COG6: variants seen among roughly 807,000 people sequenced by gnomAD.
The protein encoded by COG6 is conserved oligomeric Golgi complex subunit 6.
Under a neutral mutation model 88.8 loss-of-function variants are expected in COG6, and 74 were observed. The observed-to-expected ratio is 0.83, with a 90% confidence interval of 0.69 to 1.01. COG6 has a LOEUF of 1.01. Ranked by LOEUF, COG6 falls within the 50% of genes least tolerant of loss-of-function variation. The probability of loss-of-function intolerance (pLI) is 0.00; values close to 1 mark genes in which losing one functional copy is unlikely to be tolerated. For synonymous variants in COG6, 286 were observed against 278.7 expected (o/e 1.03, Z -0.26); for missense variants, 800 against 797.9 (o/e 1.00, Z -0.03).
chr13:39,750,804 G>A, intron 18 of COG6, 142 bp from the exon 19 acceptor site: 7 of 669,816 alleles, frequency 1.0e-5, no homozygotes, highest in South Asian at 8.6e-5. Context: ...TAACTGTGTA[G>A]CCATATAGTG....
intron 1 of COG6, chr13:39,656,304 G>T (rs956458093): frequency 7.1e-6 from 3 of 422,870 alleles, no homozygotes; most frequent in Admixed American, 2.7e-5. Flanking sequence ...GGGAGACCAA[G>T]AGAGCAGTGG....
intron 6 of COG6, 87 bp downstream of exon 6, chr13:39,679,707 G>A (rs1876195448): frequency 1.2e-6 from 1 of 846,650 alleles, no homozygotes; most frequent in Non-Finnish European, 2.0e-6. Flanking sequence ...GAACTATATA[G>A]CATTTTGTGA....
intron 3 of COG6, among the ~76,000 whole-genome samples, chr13:39,662,312 A>G (rs574460543): frequency 2.0e-4 from 31 of 151,974 alleles, no homozygotes; most frequent in African/African-American, 7.0e-4. Context: ...TTTTTAGTAG[A>G]CACAGGATTT....
chr13:39,751,803 G>A lies in COG6; in HGVS notation c.*710G>A, dbSNP rs893322456. 1.2e-5 allele frequency: 16 copies of A among 1,287,050 alleles called. No homozygotes were observed. The highest frequency in any genetic ancestry group is 2.5e-5 in the South Asian group (2 of 80,944). 79.7% of individuals were successfully genotyped at this position (1,287,050 alleles called of 1,614,324 possible). ...TGGATTCCACTCTGTGGGAGCCTTC[G>A]ATGGAACTCAAGGTGGAGCTCAGCC... On this transcript the variant is annotated 3_prime_UTR_variant, in exon 19 of 19. Transcript: ENST00000455146.
At chr13:39,686,851 T>G (rs1314179997) in intron 8 of COG6, among the ~76,000 whole-genome samples, 1 of 152,044 alleles carries the variant, frequency 6.6e-6, no homozygotes, top group East Asian at 1.9e-4. Context: ...TACCTCAGCC[T>G]TCCGAGTAGC....
At chr13:39,713,041 T>C (rs1184710333) in intron 13 of COG6, among the ~76,000 whole-genome samples, 1 of 152,240 alleles carries the variant, frequency 6.6e-6, no homozygotes, top group African/African-American at 2.4e-5. Flanking sequence ...AAGATTTCTA[T>C]GAATAGCTCA....
At chr13:39,698,234 A>G (rs1450716944) in intron 12 of COG6, among the ~76,000 whole-genome samples, 3 of 151,872 alleles carry the variant, frequency 2.0e-5, no homozygotes, top group Non-Finnish European at 4.4e-5. Flanking sequence ...TTTTCATTAA[A>G]TTGTTTCCAT....
chr13:39,744,303 G>A (rs910182932), intron 18 of COG6, among the ~76,000 whole-genome samples: 4 of 152,166 alleles, frequency 2.6e-5, no homozygotes, highest in African/African-American at 9.7e-5. Flanking sequence ...AGGAAAAGAG[G>A]AAGTCAAATC....
intron 18 of COG6, among the ~76,000 whole-genome samples, chr13:39,745,732 G>A (rs1487599362): frequency 6.6e-6 from 1 of 152,000 alleles, no homozygotes; most frequent in Non-Finnish European, 1.5e-5. Context: ...TCCATTACTG[G>A]GTATATACCC....
In COG6 at chr13:39,706,235, T is replaced by TTATATATA. The variant is rs372468879; in HGVS notation, c.1284+6624_1284+6631dup. ...CTCCTTTATATATATATATACTCCT[T>TTATATATA]TATATATATATATACTCCTTTATAT... On this transcript the variant is annotated intron_variant, in intron 13 of 18. Transcript: ENST00000455146. Among the ~76,000 whole-genome samples the TTATATATA allele has an allele frequency of 1.6e-4, 17 of 106,458 alleles. 1 individual carries two copies. The highest frequency in any genetic ancestry group is 2.3e-4 in the African/African-American group (7 of 29,994). 69.8% of individuals were successfully genotyped at this position (106,458 alleles called of 152,430 possible).
chr13:39,677,259 G>A (rs1278138365), intron 4 of COG6, among the ~76,000 whole-genome samples: 2 of 152,116 alleles, frequency 1.3e-5, no homozygotes, highest in Non-Finnish European at 2.9e-5. Flanking sequence ...TTGTGTGCAA[G>A]TATCTGAAAT....
rs563720378 is a variant in COG6 at position 39,669,846 on chromosome 13, A to C, written c.428+4692A>C. On this transcript the variant is annotated intron_variant, in intron 4 of 18. Coordinates refer to ENST00000455146, the MANE Select transcript of COG6 (RefSeq NM_020751.3). The stretch of plus-strand genomic sequence containing the variant: ...ATGACATTCTGGTATCCCAAGAGCT[A>C]TAGATATGATGTGCCAAGTGAACGT... Among the ~76,000 whole-genome samples the C allele has an allele frequency of 7.7e-4, 118 of 152,298 alleles. 1 individual carries two copies. The highest frequency in any genetic ancestry group is 1.3e-3 in the Non-Finnish European group (87 of 68,012).
chr13:39,774,640 T>C (rs1881412690), intron 18 of COG6, among the ~76,000 whole-genome samples: 1 of 151,970 alleles, frequency 6.6e-6, no homozygotes, highest in Non-Finnish European at 1.5e-5. Flanking sequence ...AGTGGTGCCA[T>C]CTCAGCTCAC....
chr13:39,789,104 T>A (rs910757873), exon 19 of COG6: 1 of 152,234 alleles, frequency 6.6e-6, no homozygotes, highest in African/African-American at 2.4e-5. Context: ...TTCCCCTGCA[T>A]ACTTTAAAGA....
In COG6 at chr13:39,762,709, G is replaced by A. The variant is rs559909971; in HGVS notation, c.1827-25626G>A. ...AGGCACCTTCATAATATTATTTTCC[G>A]TGATTTTTCTTTGAGTTTTCTCTAT... On this transcript the variant is annotated intron_variant, in intron 18 of 18. Transcript: ENST00000416691. Among the ~76,000 whole-genome samples the A allele has an allele frequency of 9.7e-4, 145 of 149,928 alleles. No individual in the cohort carries two copies. In the Middle Eastern group the frequency reaches 0.021, roughly 22 times the overall value.
chr13:39,684,769 G>A (rs1448469706), intron 8 of COG6, among the ~76,000 whole-genome samples: 1 of 152,054 alleles, frequency 6.6e-6, no homozygotes. Flanking sequence ...ATGTATAAAA[G>A]TTTCACTGTC....
downstream of COG6, among the ~76,000 whole-genome samples, chr13:39,754,460 A>G (rs1481788753): frequency 1.3e-5 from 2 of 152,200 alleles, no homozygotes; most frequent in Non-Finnish European, 2.9e-5. Flanking sequence ...AAGATTATGG[A>G]GAGGGAAACA....
At chr13:39,749,384 A>G (rs920474592) in intron 18 of COG6, among the ~76,000 whole-genome samples, 3 of 152,212 alleles carry the variant, frequency 2.0e-5, no homozygotes, top group Non-Finnish European at 4.4e-5. Context: ...CATGAACAAC[A>G]TGTATTTCTG....
intron 13 of COG6, among the ~76,000 whole-genome samples, chr13:39,718,778 G>A (rs1167187388): frequency 2.0e-5 from 3 of 152,042 alleles, no homozygotes; most frequent in Non-Finnish European, 2.9e-5. Flanking sequence ...TTGTTGAACT[G>A]TCAATTCCTG....
Sources: allele counts gnomAD v4.1 joint callset (sites outside exome capture counted in the v4.1 genomes callset), GRCh38; gene constraint gnomAD v4.1.1; transcripts MANE v1.5; gene names NCBI Gene and HGNC (gene_info 2026-07-23, HGNC 2026-07-21).